The following HSPG2 variants were observed in gnomAD, a reference collection of about 807,000 sequenced individuals.
The protein encoded by HSPG2 is basement membrane-specific heparan sulfate proteoglycan core protein.
In HSPG2, 278 loss-of-function variants were observed where a neutral mutation model predicts 526.6. The ratio of observed to expected loss-of-function variants is 0.53; its 90% confidence interval spans 0.48 to 0.58. The LOEUF (loss-of-function observed/expected upper bound fraction) is 0.58, where lower values mean the gene tolerates loss of function less well. HSPG2 is among the 20% of genes least tolerant of loss of function. The pLI, the probability that HSPG2 is intolerant of heterozygous loss-of-function variation, is 0.00. For missense variants in HSPG2, 5,354 were observed against 6,099.5 expected, an observed-to-expected ratio of 0.88 and a Z score of 4.07; for synonymous variants, 2,465 against 2,555.4, an observed-to-expected ratio of 0.96 and a Z score of 1.07.
Position 21,850,157 on chromosome 1 carries a change from A to G in HSPG2, c.7330T>C (p.Ser2444Pro). The stretch of plus-strand genomic sequence containing the variant: ...TGCCCCTCGGCCACTTGCGAAGACG[A>G]TGACTCGATCCGGACCGTGGGGGTG... ...GVTPTVRIES[S>P]SSQVAEGQTL... is the part of the protein sequence containing the mutation. Residue 2444 changes from serine to proline, a missense_variant, in exon 57 of 97, where the codon TCG (serine) becomes CCG (proline). Transcript: ENST00000374695. The G allele has an allele frequency of 1.2e-6, 2 of 1,613,400 alleles. No individual in the cohort carries two copies. The highest frequency in any genetic ancestry group is 1.1e-5 in the South Asian group (1 of 91,092).
At chr1:21,840,800 G>C (rs1447079391) in intron 71 of HSPG2, among the ~76,000 whole-genome samples, 1 of 152,022 alleles carries the variant, frequency 6.6e-6, no homozygotes, top group Non-Finnish European at 1.5e-5. Flanking sequence ...CCCTTTCCTT[G>C]GTTTTTAGCT....
chr1:21,873,699 G>T (rs1640830049), intron 29 of HSPG2, among the ~76,000 whole-genome samples: 1 of 152,212 alleles, frequency 6.6e-6, no homozygotes, highest in East Asian at 1.9e-4. Flanking sequence ...GGGGGCCAGG[G>T]GGCTGAAGGT....
At chr1:21,910,091 C>T (rs536861219) in intron 1 of HSPG2, among the ~76,000 whole-genome samples, 2 of 152,346 alleles carry the variant, frequency 1.3e-5, no homozygotes, top group South Asian at 4.1e-4. Context: ...ACCTCCCCGC[C>T]CCACCTCCAG....
chr1:21,886,028 A>G (rs1386053217), intron 9 of HSPG2, among the ~76,000 whole-genome samples: 2 of 152,234 alleles, frequency 1.3e-5, no homozygotes, highest in East Asian at 3.9e-4. Context: ...TGAGAGAGAC[A>G]CAGACAGGGA....
chr1:21,862,139 C>T (rs1165829910), intron 37 of HSPG2, 24 bp from the exon 38 acceptor site: 2 of 1,609,614 alleles, frequency 1.2e-6, no homozygotes, highest in Admixed American at 3.3e-5. Flanking sequence ...GGAGGGCAGG[C>T]ACCAGCCATT....
intron 22 of HSPG2, 39 bp downstream of exon 22, chr1:21,876,473 A>T: frequency 6.2e-7 from 1 of 1,613,426 alleles, no homozygotes; most frequent in Admixed American, 1.7e-5. Context: ...CATCCGGCCC[A>T]GGGCTTGGCG....
intron 69 of HSPG2, 91 bp from the exon 70 acceptor site, chr1:21,841,764 C>A: frequency 6.6e-7 from 1 of 1,517,448 alleles, no homozygotes; most frequent in Non-Finnish European, 9.1e-7. Context: ...GGCCCACTTC[C>A]CCAATCCCTC....
Position 21,824,954 on chromosome 1 carries a change from T to C in HSPG2, c.12590-175A>G. The C allele has an allele frequency of 1.5e-6, 1 of 665,744 alleles. No individual in the cohort carries two copies. The highest frequency in any genetic ancestry group is 2.7e-5 in the East Asian group (1 of 36,494). 41.2% of individuals were successfully genotyped at this position (665,744 alleles called of 1,614,324 possible). A position where few individuals can be genotyped will look rare whatever the true frequency, so the allele number is the denominator to read the frequency against. On this transcript the variant is annotated intron_variant, in intron 91 of 96. Transcript: ENST00000374695. The surrounding 1 kb of genome is among the most constrained non-coding windows in gnomAD (Gnocchi z 5.9). ...AATTCAGGGAGCCTATGACCTTGGA[T>C]GGGAAAGCATTACACCTCAATTTCA...
chr1:21,827,876 G>C lies in HSPG2; in HGVS notation c.12576C>G (p.Gly4192=). Residue 4192 remains glycine (G), a synonymous_variant, in exon 91 of 97, where the codon GGC becomes GGG. Coordinates refer to ENST00000374695, the MANE Select transcript of HSPG2 (RefSeq NM_005529.7). ...GCAAGTACTCACCATTGCCCCCGCT[G>C]CCTTCAAGATGCCAGTCGGACTCTG... ...GIAESDWHLE[G]SGGNDAPGQY... The C allele has an allele frequency of 6.3e-7, 1 of 1,589,022 alleles. No individual in the cohort carries two copies. The highest frequency in any genetic ancestry group is 8.6e-7 in the Non-Finnish European group (1 of 1,167,716).
In HSPG2 at chr1:21,860,196, C is replaced by T. The variant is rs746329191; in HGVS notation, c.4995G>A (p.Gly1665=). 14 of 1,613,866 alleles carry T rather than the reference C, an allele frequency of 8.7e-6. No individual in the cohort carries two copies. Among genetic ancestry groups the T allele is most frequent in the Middle Eastern group, 1.6e-4 (1 of 6,062 alleles). ...PGYVGNPSVQ[G]GQCLPETNQA... Reference sequence around the variant, plus strand: ...ACTTACTCTCTGGCAGGCACTGGCCCCCTTGCACACTGGGGTTACCCACGT... The same window carrying T: ...ACTTACTCTCTGGCAGGCACTGGCCTCCTTGCACACTGGGGTTACCCACGT... Residue 1665 remains glycine (G), a synonymous_variant, in exon 40 of 97, where the codon GGG becomes GGA. Coordinates refer to ENST00000374695, the MANE Select transcript of HSPG2 (RefSeq NM_005529.7).
At chr1:21,910,771 G>A (rs892211542) in intron 1 of HSPG2, among the ~76,000 whole-genome samples, 12 of 152,012 alleles carry the variant, frequency 7.9e-5, no homozygotes, top group Admixed American at 1.3e-4. Flanking sequence ...CGATGGTAAC[G>A]TTGCCAGCTC....
At position 21,865,242 on chromosome 1, in the gene HSPG2, G is replaced by A; in HGVS notation, c.4395+43C>T. ...AAGCCAGGCTCTGAGTCAGGGTGGA[G>A]GGTGGGGTGGGGTTAGACACAGCAT... On this transcript the variant is annotated intron_variant, in intron 35 of 96. Coordinates refer to ENST00000374695, the MANE Select transcript of HSPG2 (RefSeq NM_005529.7). The surrounding 1 kb of genome is among the most constrained non-coding windows in gnomAD (Gnocchi z 5.4). The A allele has an allele frequency of 6.3e-7, 1 of 1,585,684 alleles. No homozygotes were observed. Among genetic ancestry groups the A allele is most frequent in the Non-Finnish European group, 8.7e-7 (1 of 1,154,072 alleles).
chr1:21,913,617 G>A (rs1486754809), intron 1 of HSPG2, among the ~76,000 whole-genome samples: 2 of 152,188 alleles, frequency 1.3e-5, no homozygotes, highest in East Asian at 3.8e-4. Flanking sequence ...CTGTCATTCT[G>A]GGGCAGTGAG....
chr1:21,887,214 C>A lies in HSPG2; in HGVS notation c.1078+1G>T, dbSNP rs376431877. 7.5e-6 allele frequency: 12 copies of A among 1,610,352 alleles called. No individual in the cohort carries two copies. The highest frequency in any genetic ancestry group is 9.3e-6 in the Non-Finnish European group (11 of 1,178,696). ...CCTCAGCTGGACCCTCGGATACTCA[C>A]GGCAGTTGGCTTCATCAGTTCGGTC... On this transcript the variant is annotated splice_donor_variant, in intron 9 of 96. Transcript: ENST00000374695. LOFTEE classifies it high-confidence loss of function. This position sits in a 1 kb window ranked among gnomAD's most constrained non-coding sequence, Gnocchi z 5.0.
chr1:21,887,296 C>G lies in HSPG2; in HGVS notation c.997G>C (p.Gly333Arg). Residue 333 changes from glycine to arginine, a missense_variant, in exon 9 of 97, where the codon GGG (glycine) becomes CGG (arginine). Coordinates refer to ENST00000374695, the MANE Select transcript of HSPG2 (RefSeq NM_005529.7). This position sits in a 1 kb window ranked among gnomAD's most constrained non-coding sequence, Gnocchi z 5.0. Reference sequence around the variant, plus strand: ...AGCTTGAGGGCACAATGTCCATTCCCGCAGGGGAACTCGTTGGGCTCACAG... The same window carrying G: ...AGCTTGAGGGCACAATGTCCATTCCGGCAGGGGAACTCGTTGGGCTCACAG... ...PPCEPNEFPCGNGHCALKLWR... is the reference protein window; with the variant it reads ...PPCEPNEFPCRNGHCALKLWR... 1 of 1,614,072 alleles carries G rather than the reference C, an allele frequency of 6.2e-7. No homozygotes were observed. Among genetic ancestry groups the G allele is most frequent in the Non-Finnish European group, 8.5e-7 (1 of 1,179,972 alleles).
chr1:21,835,132 G>A (rs1017986349), intron 76 of HSPG2, 187 bp from the exon 77 acceptor site: 65 of 697,306 alleles, frequency 9.3e-5, no homozygotes, highest in Admixed American at 5.8e-4. Flanking sequence ...ACTCACTCAC[G>A]TGTCCACTTC....
chr1:21,892,468 C>A (rs990459173), intron 3 of HSPG2, among the ~76,000 whole-genome samples: 3 of 152,268 alleles, frequency 2.0e-5, no homozygotes, highest in Admixed American at 6.5e-5. Context: ...CCTGACCCCA[C>A]CCCGCTTCGT....
intron 1 of HSPG2, among the ~76,000 whole-genome samples, chr1:21,928,535 G>A (rs1644265074): frequency 6.6e-6 from 1 of 152,216 alleles, no homozygotes; most frequent in Non-Finnish European, 1.5e-5. Flanking sequence ...CCGCTTCCCA[G>A]GTTCAAGCGA....
chr1:21,860,381 G>T, intron 39 of HSPG2, 146 bp from the exon 40 acceptor site: 1 of 685,136 alleles, frequency 1.5e-6, no homozygotes, highest in Non-Finnish European at 2.6e-6. Flanking sequence ...GACCAGACAG[G>T]CCCCAACGCA....
Sources: allele counts gnomAD v4.1 joint callset (sites outside exome capture counted in the v4.1 genomes callset), GRCh38; gene constraint gnomAD v4.1.1; non-coding constraint Gnocchi (gnomAD v3.1); transcripts MANE v1.5; gene names NCBI Gene and HGNC (gene_info 2026-07-23, HGNC 2026-07-21).